USH2A: variants seen among roughly 807,000 people sequenced by gnomAD.
The protein encoded by USH2A is Usher syndrome 2A (autosomal recessive, mild).
In USH2A, 443 loss-of-function variants were observed where a neutral mutation model predicts 538.9. That is an observed-to-expected ratio of 0.82 (90% confidence interval 0.76 to 0.89). The LOEUF is 0.89. Ranked by LOEUF, USH2A falls within the 40% of genes least tolerant of loss-of-function variation. The pLI, the probability that USH2A is intolerant of heterozygous loss-of-function variation, is 0.00. For synonymous variants in USH2A, 2,413 were observed against 2,273.5 expected (o/e 1.06, Z -1.75); for missense variants, 6,633 against 6,324.8 (o/e 1.05, Z -1.65).
At position 215,671,247 on chromosome 1, in the gene USH2A, T is replaced by C. The variant is rs1204592073; in HGVS notation, c.13858A>G (p.Ser4620Gly). ...QACTTLGCAS[S>G]DWTFIQTPEI... ...GGGGTCTGTATGAATGTCCAGTCAC[T>C]TGATGCACATCCCAGGGTGGTGCAC... The change falls in exon 64 of 72, where the codon AGT (serine) becomes GGT (glycine). Residue 4620 changes from serine (S) to glycine (G), a missense_variant. By Grantham distance (56) the Ser-to-Gly change is moderately conservative. Transcript: ENST00000307340. The C allele has an allele frequency of 1.9e-6, 3 of 1,614,150 alleles. No individual in the cohort carries two copies. The South Asian group carries it at 3.3e-5, about 18-fold the overall frequency.
At chr1:216,017,900 A>C (rs1349452882) in intron 32 of USH2A, among the ~76,000 whole-genome samples, 1 of 152,190 alleles carries the variant, frequency 6.6e-6, no homozygotes, top group Admixed American at 6.5e-5. Flanking sequence ...TAGCATAAGA[A>C]AGTAATGAAT....
At chr1:215,625,959 A>C in intron 71 of USH2A, 89 bp from the exon 72 acceptor site, 1 of 1,325,852 alleles carries the variant, frequency 7.5e-7, no homozygotes, top group South Asian at 1.2e-5. Flanking sequence ...AAGTGTAAAA[A>C]GTAATAAGTA....
chr1:216,053,272 G>C (rs1364167599), intron 30 of USH2A, among the ~76,000 whole-genome samples: 1 of 152,058 alleles, frequency 6.6e-6, no homozygotes, highest in Non-Finnish European at 1.5e-5. Context: ...CTGGGAAATA[G>C]AGAATTGACA....
intron 21 of USH2A, among the ~76,000 whole-genome samples, chr1:216,101,295 T>C (rs182697485): frequency 3.9e-4 from 60 of 152,314 alleles, no homozygotes; most frequent in Non-Finnish European, 1.0e-4. Flanking sequence ...ATATAAAACA[T>C]TTTAAAGAAA....
rs1245969744 is a variant in USH2A, at chr1:215,845,874, C to A, written c.9005G>T (p.Gly3002Val). The change falls in exon 45 of 72, where the codon GGA becomes GTA. Residue 3002 changes from glycine to valine, a missense_variant. Coordinates refer to ENST00000307340, the MANE Select transcript of USH2A (RefSeq NM_206933.4). ...TCCTGCACTGTTGATGCTGTGGACTCCATTGAAGACAGAGATAAAGATCCA... is the reference window on the plus strand; with the variant it reads ...TCCTGCACTGTTGATGCTGTGGACTACATTGAAGACAGAGATAAAGATCCA... ...EYWIFISVFN[G>V]VHSINSAGLH... 1.2e-6 allele frequency: 2 copies of A among 1,613,840 alleles called. No homozygotes were observed. Among genetic ancestry groups the A allele is most frequent in the Admixed American group, 1.7e-5 (1 of 59,904 alleles).
chr1:216,113,156 AC>A (rs57355678), intron 21 of USH2A, among the ~76,000 whole-genome samples: 1,892 of 136,238 alleles, frequency 0.014, 21 homozygotes, highest in African/African-American at 0.039. Context: ...AAAAAAAAAA[AC>A]AAAACAAGAA....
Position 215,741,430 on chromosome 1 carries a change from T to G in USH2A, c.11656A>C (p.Lys3886Gln). Residue 3886 changes from lysine to glutamine, a missense_variant, in exon 60 of 72, where the codon AAG becomes CAG. By Grantham distance (53) the Lys-to-Gln change is moderately conservative (BLOSUM62 1). Coordinates refer to ENST00000307340, the MANE Select transcript of USH2A (RefSeq NM_206933.4). ...TTTGGTTTTTCAGGTGGCATCCACT[T>G]AATCTCTATGCAAGCTGACCCCAGT... ...KALGSACIEI[K>Q]WMPPEKPNGI... 1.2e-6 allele frequency: 2 copies of G among 1,614,070 alleles called. No individual in the cohort carries two copies. The highest frequency in any genetic ancestry group is 1.7e-6 in the Non-Finnish European group (2 of 1,180,008).
At chr1:216,306,976 T>C (rs1398500800) in intron 9 of USH2A, among the ~76,000 whole-genome samples, 1 of 152,112 alleles carries the variant, frequency 6.6e-6, no homozygotes, top group Non-Finnish European at 1.5e-5. Flanking sequence ...TTTGTTGTAT[T>C]TTTGTTTATT....
chr1:216,255,322 T>C (rs569731521), intron 11 of USH2A, among the ~76,000 whole-genome samples: 3 of 152,330 alleles, frequency 2.0e-5, no homozygotes, highest in Non-Finnish European at 4.4e-5. Context: ...AAGTAGAAGA[T>C]ATTTCTTTGA....
chr1:215,901,775 T>C (rs558527918), intron 38 of USH2A, among the ~76,000 whole-genome samples: 1 of 152,304 alleles, frequency 6.6e-6, no homozygotes, highest in South Asian at 2.1e-4. Context: ...TTTTTCCAAC[T>C]GGTATAACTC....
At chr1:215,685,443 C>T (rs7516975) in intron 61 of USH2A, among the ~76,000 whole-genome samples, 31,525 of 151,354 alleles carry the variant, frequency 0.21, 3,524 homozygotes, top group Non-Finnish European at 0.23. Flanking sequence ...CTGCAACTTC[C>T]GCCTCCTGGG....
At chr1:216,151,961 A>G (rs547278145) in intron 21 of USH2A, among the ~76,000 whole-genome samples, 182 of 152,070 alleles carry the variant, frequency 1.2e-3, no homozygotes, top group Non-Finnish European at 1.7e-3. Flanking sequence ...AACCATATCC[A>G]GGCCATCACC....
In USH2A at chr1:215,782,185, A is replaced by G. The variant is rs1288596700; in HGVS notation, c.10597T>C (p.Tyr3533His). The G allele has an allele frequency of 1.2e-6, 2 of 1,613,766 alleles. No individual in the cohort carries two copies. The highest frequency in any genetic ancestry group is 2.7e-5 in the African/African-American group (2 of 74,926). Reference protein sequence around the residue: ...KPIQSNGPIIYYILLRNGIER... With the variant: ...KPIQSNGPIIHYILLRNGIER... ...ATTCCATTTCGAAGAAGGATGTAGT[A>G]AATAATAGGACCTAAAAGAAGCAGA... Residue 3533 changes from tyrosine to histidine, a missense_variant, in exon 54 of 72, where the codon TAC becomes CAC. Physicochemically the swap from Tyr to His is moderately conservative, Grantham distance 83 (BLOSUM62 2). Coordinates refer to ENST00000307340, the MANE Select transcript of USH2A (RefSeq NM_206933.4).
At chr1:216,069,349 G>C (rs2031483451) in intron 30 of USH2A, among the ~76,000 whole-genome samples, 1 of 152,202 alleles carries the variant, frequency 6.6e-6, no homozygotes, top group Admixed American at 6.5e-5. Context: ...CAACAGGTTT[G>C]TTGGGAAAAT....
intron 19 of USH2A, among the ~76,000 whole-genome samples, chr1:216,195,175 C>T (rs749579513): frequency 1.6e-4 from 25 of 152,158 alleles, no homozygotes; most frequent in South Asian, 8.3e-4. Context: ...TCAGCCAAGT[C>T]TTGAGGTTAG....
At chr1:215,898,828 G>A (rs776591031) in intron 40 of USH2A, among the ~76,000 whole-genome samples, 1 of 152,186 alleles carries the variant, frequency 6.6e-6, no homozygotes, top group South Asian at 2.1e-4. Context: ...CAGAGTGTAT[G>A]TAATGTTCCT....
At chr1:216,257,624 A>T (rs893235602) in intron 11 of USH2A, among the ~76,000 whole-genome samples, 1 of 151,830 alleles carries the variant, frequency 6.6e-6, no homozygotes, top group African/African-American at 2.4e-5. Context: ...AATTATTTGA[A>T]TATTTTTTAT....
chr1:216,278,025 T>C (rs1295228390), intron 11 of USH2A, among the ~76,000 whole-genome samples: 1 of 152,136 alleles, frequency 6.6e-6, no homozygotes, highest in Non-Finnish European at 1.5e-5. Context: ...TCTAACTACA[T>C]TGCTATTGGT....
intron 55 of USH2A, among the ~76,000 whole-genome samples, chr1:215,771,555 G>A (rs1242678377): frequency 3.7e-5 from 4 of 109,400 alleles, no homozygotes; most frequent in Non-Finnish European, 6.7e-5. Context: ...ACTCCAGCCT[G>A]GGCGACAGAG....
Sources: gnomAD v4.1 joint callset for allele counts (sites outside exome capture counted in the v4.1 genomes callset) on GRCh38, gnomAD v4.1.1 for gene constraint, MANE v1.5 for transcripts, NCBI Gene and HGNC (gene_info 2026-07-23, HGNC 2026-07-21) for gene names.